INPP5D: variants seen among roughly 807,000 people sequenced by gnomAD.
INPP5D encodes phosphatidylinositol 3,4,5-trisphosphate 5-phosphatase 1.
In INPP5D, 33 loss-of-function variants were observed where a neutral mutation model predicts 122.9. That is an observed-to-expected ratio of 0.27 (90% CI 0.20 to 0.36). The LOEUF (loss-of-function observed/expected upper bound fraction) is 0.36, where lower values mean the gene tolerates loss of function less well. Among genes scored for constraint, INPP5D ranks in the 10% least tolerant of loss-of-function variants. INPP5D has a pLI of 1.00. For synonymous variants in INPP5D, 584 were observed against 576.2 expected, an observed-to-expected ratio of 1.01 and a Z score of -0.19; for missense variants, 1,053 against 1,412.7, an observed-to-expected ratio of 0.75 and a Z score of 4.08.
Position 233,170,366 on chromosome 2 carries a change from C to G in INPP5D, c.1792-130C>G. The stretch of plus-strand genomic sequence containing the variant: ...CTGTGCTCACACCCGGTTCCCATAA[C>G]TGTCACAGCCACCCTGCCACCATCA... On this transcript the variant is annotated intron_variant, in intron 15 of 26. Transcript: ENST00000445964. This position sits in a 1 kb window ranked among gnomAD's most constrained non-coding sequence, Gnocchi z 4.5. 1 of 1,499,726 alleles carries G rather than the reference C, an allele frequency of 6.7e-7. No individual in the cohort carries two copies. Among genetic ancestry groups the G allele is most frequent in the Non-Finnish European group, 9.0e-7 (1 of 1,115,052 alleles). The allele number at this position is 1,499,726 out of a possible 1,614,324, so 92.9% of individuals were successfully genotyped here.
At position 233,177,572 on chromosome 2, in the gene INPP5D, CT is replaced by C. The variant is rs1363292329; in HGVS notation, c.2071+233del. On this transcript the variant is annotated intron_variant, in intron 18 of 26. Transcript: ENST00000445964. The surrounding 1 kb of genome is among the most constrained non-coding windows in gnomAD (Gnocchi z 4.2). Reference sequence around the variant, plus strand: ...TAGGAGACATTTGAATTATAGAGCACTTTTTTTCTTTTTCTTTTTGAGACGG... The same window carrying C: ...TAGGAGACATTTGAATTATAGAGCACTTTTTTCTTTTTCTTTTTGAGACGG... 1.3e-5 allele frequency among the ~76,000 whole-genome samples: 2 copies of C among 152,134 alleles called. No individual in the cohort carries two copies. The highest frequency in any genetic ancestry group is 2.4e-5 in the African/African-American group (1 of 41,434).
intron 5 of INPP5D, among the ~76,000 whole-genome samples, chr2:233,133,068 G>A (rs1448958927): frequency 6.6e-6 from 1 of 151,680 alleles, no homozygotes; most frequent in African/African-American, 2.4e-5. Context: ...GAGAAGCTGG[G>A]ACTACAGGTA....
Position 233,100,496 on chromosome 2 carries a change from G to T in INPP5D, c.198+21098G>T, listed in dbSNP as rs994855148. ...CACTGTAAACTCCAAAACAGCCCAC[G>T]TTACTCCCGGTGACAATCAGAATTC... On this transcript the variant is annotated intron_variant, in intron 2 of 26. Transcript: ENST00000445964. The surrounding 1 kb of genome is among the most constrained non-coding windows in gnomAD (Gnocchi z 5.3). Among the ~76,000 whole-genome samples, 1 of 152,136 alleles carries T rather than the reference G, an allele frequency of 6.6e-6. No homozygotes were observed. Among genetic ancestry groups the T allele is most frequent in the Non-Finnish European group, 1.5e-5 (1 of 68,030 alleles).
intron 17 of INPP5D, among the ~76,000 whole-genome samples, chr2:233,171,580 A>T (rs1694495318): frequency 6.6e-6 from 1 of 152,206 alleles, no homozygotes. Flanking sequence ...TGTATGCCAA[A>T]CTCAGTTATT....
intron 2 of INPP5D, among the ~76,000 whole-genome samples, chr2:233,102,000 C>T (rs564342628): frequency 1.3e-5 from 2 of 151,888 alleles, no homozygotes; most frequent in East Asian, 3.9e-4. Context: ...GCATGATGAC[C>T]GTGGCTCTCA....
At chr2:233,138,975 C>T (rs1284058741) in intron 5 of INPP5D, among the ~76,000 whole-genome samples, 4 of 151,158 alleles carry the variant, frequency 2.6e-5, no homozygotes, top group East Asian at 2.0e-4. Flanking sequence ...AGGATGGTCT[C>T]GACCTCCTGA....
intron 6 of INPP5D, among the ~76,000 whole-genome samples, chr2:233,145,764 C>T (rs1413187555): frequency 2.0e-5 from 3 of 151,978 alleles, no homozygotes; most frequent in Admixed American, 6.6e-5. Flanking sequence ...TTCTCCTCTA[C>T]GTGGAGAAGA....
In INPP5D at chr2:233,166,023, G is replaced by A. The variant is rs548038011; in HGVS notation, c.1555+1599G>A. On this transcript the variant is annotated intron_variant, in intron 13 of 26. Transcript: ENST00000445964. ...AATAGAAGAATTGCTGCAATCGAAC[G>A]TGCAAAGCTCTCTCAACTTTTCTGC... Among the ~76,000 whole-genome samples the A allele has an allele frequency of 6.6e-5, 10 of 152,202 alleles. No individual in the cohort carries two copies. The South Asian group carries it at 1.5e-3, about 22-fold the overall frequency.
chr2:233,163,684 G>A, intron 11 of INPP5D, 23 bp from the exon 12 acceptor site: 1 of 1,613,056 alleles, frequency 6.2e-7, no homozygotes, highest in Non-Finnish European at 8.5e-7. Context: ...TGACTCACTT[G>A]GTGTTGGGTT....
intron 2 of INPP5D, among the ~76,000 whole-genome samples, chr2:233,093,988 G>A: frequency 6.6e-6 from 1 of 151,982 alleles, no homozygotes. Context: ...AACAGATGTT[G>A]CCGTGGTCCC....
At chr2:233,196,946 T>A (rs928326815) in intron 24 of INPP5D, among the ~76,000 whole-genome samples, 2 of 152,244 alleles carry the variant, frequency 1.3e-5, no homozygotes, top group Admixed American at 1.3e-4. Flanking sequence ...AGCATCCCCT[T>A]TCCCTCTTTC....
At chr2:233,097,084 A>G (rs1422565239) in intron 2 of INPP5D, among the ~76,000 whole-genome samples, 2 of 152,220 alleles carry the variant, frequency 1.3e-5, no homozygotes, top group Admixed American at 6.5e-5. Context: ...TGGATAGCCA[A>G]CACCGTATTA....
At chr2:233,072,813 T>C (rs1345254551) in intron 1 of INPP5D, among the ~76,000 whole-genome samples, 1 of 152,274 alleles carries the variant, frequency 6.6e-6, no homozygotes, top group Non-Finnish European at 1.5e-5. Flanking sequence ...CTTCATTTTC[T>C]CATTTCTAAC....
At chr2:233,073,559 G>A (rs1453524797) in intron 1 of INPP5D, among the ~76,000 whole-genome samples, 1 of 144,952 alleles carries the variant, frequency 6.9e-6, no homozygotes, top group East Asian at 2.1e-4. Flanking sequence ...AGAACAGCTT[G>A]AACCTGGGAG....
At chr2:233,198,074 G>T in intron 24 of INPP5D, 21 bp from the exon 25 acceptor site, 2 of 1,549,848 alleles carry the variant, frequency 1.3e-6, no homozygotes, top group South Asian at 2.4e-5. Context: ...CCTGAGATGT[G>T]ACTCCATGTC....
Position 233,170,329 on chromosome 2 carries a change from C to T in INPP5D, c.1791+165C>T. On this transcript the variant is annotated intron_variant, in intron 15 of 26. Transcript: ENST00000445964. The surrounding 1 kb of genome is among the most constrained non-coding windows in gnomAD (Gnocchi z 4.5). The stretch of plus-strand genomic sequence containing the variant: ...TTCCATTACTGAGCCTCAGCCGCTC[C>T]TCACGGTTCCCCTGTGCTCACACCC... 6.8e-7 allele frequency: 1 copy of T among 1,480,652 alleles called. No homozygotes were observed. The highest frequency in any genetic ancestry group is 9.0e-7 in the Non-Finnish European group (1 of 1,106,044). The allele number at this position is 1,480,652 out of a possible 1,614,324, so 91.7% of individuals were successfully genotyped here. A position where few individuals can be genotyped will look rare whatever the true frequency, so the allele number is the denominator to read the frequency against.
chr2:233,173,360 C>G (rs936381971), intron 17 of INPP5D, among the ~76,000 whole-genome samples: 2 of 152,154 alleles, frequency 1.3e-5, no homozygotes, highest in African/African-American at 4.8e-5. Context: ...TGCTGTAGAC[C>G]TTACAAACAC....
intron 2 of INPP5D, among the ~76,000 whole-genome samples, chr2:233,090,054 T>C (rs1039570800): frequency 3.4e-4 from 52 of 152,336 alleles, no homozygotes; most frequent in African/African-American, 1.2e-3. Flanking sequence ...TCTCCCCCAG[T>C]GAGCTGTGGA....
intron 2 of INPP5D, among the ~76,000 whole-genome samples, chr2:233,108,363 G>T (rs1474739130): frequency 6.6e-6 from 1 of 152,210 alleles, no homozygotes; most frequent in African/African-American, 2.4e-5. Flanking sequence ...TGACCGCTCA[G>T]GCAAGCTGCT....
Sources: gnomAD v4.1 joint callset for allele counts (sites outside exome capture counted in the v4.1 genomes callset) on GRCh38, gnomAD v4.1.1 for gene constraint, Gnocchi (gnomAD v3.1) non-coding constraint, MANE v1.5 for transcripts, NCBI Gene and HGNC (gene_info 2026-07-23, HGNC 2026-07-21) for gene names.